Variants in KAT14 observed in about 807,000 individuals in gnomAD.
KAT14 encodes the protein lysine acetyltransferase 14.
KAT14 carries 66 observed loss-of-function variants against 78.4 expected under a neutral mutation model. The ratio of observed to expected loss-of-function variants is 0.84; its 90% confidence interval spans 0.69 to 1.03. The LOEUF is 1.03. KAT14 is among the 50% of genes least tolerant of loss of function. The pLI is 0.00. For missense variants in KAT14, 870 were observed against 972.5 expected, an observed-to-expected ratio of 0.89 and a Z score of 1.40; for synonymous variants, 344 against 359.4, an observed-to-expected ratio of 0.96 and a Z score of 0.48.
chr20:18,157,131 G>A (rs534305636), intron 4 of KAT14, among the ~76,000 whole-genome samples: 21 of 152,348 alleles, frequency 1.4e-4, no homozygotes, highest in African/African-American at 4.6e-4. Flanking sequence ...TAGTCCCACT[G>A]TCAATGTACA....
At chr20:18,183,593 C>T in intron 9 of KAT14, 1 of 939,398 alleles carries the variant, frequency 1.1e-6, no homozygotes, top group Non-Finnish European at 1.3e-6. Flanking sequence ...TAATGTCTAT[C>T]AAAGATACAC....
At chr20:18,174,239 C>T (rs1394079139) in intron 7 of KAT14, among the ~76,000 whole-genome samples, 2 of 152,198 alleles carry the variant, frequency 1.3e-5, no homozygotes, top group African/African-American at 4.8e-5. Flanking sequence ...TGGGTTGTTT[C>T]TACCTTTTGA....
At chr20:18,145,168 A>G in intron 2 of KAT14, 65 bp from the exon 3 acceptor site, 2 of 1,564,402 alleles carry the variant, frequency 1.3e-6, no homozygotes, top group Non-Finnish European at 1.7e-6. Flanking sequence ...TGATAAACGG[A>G]TTAAACCTTT....
chr20:18,179,764 T>C (rs1372348788), intron 7 of KAT14, among the ~76,000 whole-genome samples: 3 of 152,242 alleles, frequency 2.0e-5, no homozygotes, highest in Non-Finnish European at 2.9e-5. Context: ...CCTCAAAAAA[T>C]AGGTTTTTCT....
intron 7 of KAT14, among the ~76,000 whole-genome samples, chr20:18,172,437 C>T (rs1211857266): frequency 6.6e-6 from 1 of 151,602 alleles, no homozygotes; most frequent in Admixed American, 6.6e-5. Flanking sequence ...CTCGCTGTCA[C>T]CCAGGCTGGA....
At position 18,142,444 on chromosome 20, in the gene KAT14, T is replaced by C. The variant is rs762568368; in HGVS notation, c.-217T>C. The C allele has an allele frequency of 0.018, 26,478 of 1,462,390 alleles. 330 individuals are homozygous for C. The highest frequency in any genetic ancestry group is 0.055 in the Admixed American group (2,150 of 39,146). 90.6% of individuals were successfully genotyped at this position (1,462,390 alleles called of 1,614,324 possible). A position where few individuals can be genotyped will look rare whatever the true frequency, so the allele number is the denominator to read the frequency against. On this transcript the variant is annotated 5_prime_UTR_variant, in exon 2 of 11. Coordinates refer to ENST00000688188, the MANE Select transcript of KAT14 (RefSeq NM_001392073.1). ...GTAGCTTAGTAGTATCTTCATCTTTTTTTTTGGTCACTGTCCTTTTAAACT... is the reference window on the plus strand; with the variant it reads ...GTAGCTTAGTAGTATCTTCATCTTTCTTTTTGGTCACTGTCCTTTTAAACT...
intron 7 of KAT14, among the ~76,000 whole-genome samples, chr20:18,166,135 T>C (rs2038631493): frequency 1.3e-5 from 2 of 152,210 alleles, no homozygotes; most frequent in African/African-American, 4.8e-5. Flanking sequence ...AAGGCCATCT[T>C]TTCTTTCTGT....
In KAT14 at chr20:18,142,491, G is replaced by T. The variant is rs1325961495; in HGVS notation, c.-170G>T. 1 of 1,456,164 alleles carries T rather than the reference G, an allele frequency of 6.9e-7. No homozygotes were observed. The highest frequency in any genetic ancestry group is 9.0e-7 in the Non-Finnish European group (1 of 1,108,828). The allele number at this position is 1,456,164 out of a possible 1,614,324, so 90.2% of individuals were successfully genotyped here. A position where few individuals can be genotyped will look rare whatever the true frequency, so the allele number is the denominator to read the frequency against. ...AACTTGATCAAATAAAGGACAGTGG[G>T]TCATATAAGTTACTGCTTTCAGGGT... is the stretch of plus-strand genomic sequence containing the variant. On this transcript the variant is annotated 5_prime_UTR_variant, in exon 2 of 11. Coordinates refer to ENST00000688188, the MANE Select transcript of KAT14 (RefSeq NM_001392073.1).
chr20:18,184,008 C>CA (rs2039359716), intron 9 of KAT14, among the ~76,000 whole-genome samples: 1 of 152,210 alleles, frequency 6.6e-6, no homozygotes, highest in Admixed American at 6.5e-5. Context: ...GGCAGAGCTG[C>CA]ACTCATTCTT....
Position 18,187,636 on chromosome 20 carries a change from T to G in KAT14, c.*177T>G. 9.7e-7 allele frequency: 1 copy of G among 1,028,702 alleles called. No homozygotes were observed. Among genetic ancestry groups the G allele is most frequent in the Non-Finnish European group, 1.3e-6 (1 of 744,122 alleles). The allele number at this position is 1,028,702 out of a possible 1,614,324, so 63.7% of individuals were successfully genotyped here. ...GTGAAATGAGCAGTGAGCAGCCCTT[T>G]AGCAAAATCGCCCTCCAGTCCTTCC... On this transcript the variant is annotated 3_prime_UTR_variant, in exon 11 of 11. Transcript: ENST00000688188.
chr20:18,165,522 C>T (rs2038607794), intron 7 of KAT14, among the ~76,000 whole-genome samples: 1 of 152,158 alleles, frequency 6.6e-6, no homozygotes, highest in Non-Finnish European at 1.5e-5. Flanking sequence ...AGAGCATAGC[C>T]CTGCCCACAC....
chr20:18,157,504 A>G (rs1407532878), intron 4 of KAT14, among the ~76,000 whole-genome samples: 4 of 152,212 alleles, frequency 2.6e-5, no homozygotes, highest in Non-Finnish European at 1.5e-5. Flanking sequence ...TGTACAGTTC[A>G]GTGGTGTTAA....
chr20:18,183,930 A>G (rs2039356318), intron 9 of KAT14, among the ~76,000 whole-genome samples: 1 of 152,228 alleles, frequency 6.6e-6, no homozygotes, highest in Non-Finnish European at 1.5e-5. Context: ...CAGATGTTAG[A>G]TACGATTTCA....
intron 7 of KAT14, among the ~76,000 whole-genome samples, chr20:18,178,089 C>T (rs1402613500): frequency 7.4e-6 from 1 of 134,484 alleles, no homozygotes; most frequent in Non-Finnish European, 1.6e-5. Flanking sequence ...GCCTGGATAA[C>T]AGAGCAAGAC....
intron 2 of KAT14, among the ~76,000 whole-genome samples, chr20:18,143,783 A>G (rs1161241565): frequency 2.0e-5 from 3 of 151,772 alleles, no homozygotes; most frequent in Non-Finnish European, 2.9e-5. Flanking sequence ...ATGCGCCACC[A>G]TGCCCGGCCA....
Position 18,161,866 on chromosome 20 carries a change from T to C in KAT14, c.726T>C (p.Leu242=). 6.2e-7 allele frequency: 1 copy of C among 1,614,154 alleles called. No homozygotes were observed. The highest frequency in any genetic ancestry group is 8.5e-7 in the Non-Finnish European group (1 of 1,180,044). The change falls in exon 6 of 11, where the codon CTT becomes CTC. Residue 242 remains leucine, a synonymous_variant. Coordinates refer to ENST00000688188, the MANE Select transcript of KAT14 (RefSeq NM_001392073.1). ...ATCCCATCATTACTGTTGAGGGACT[T>C]AGAAAACGAGCAAGTCGGAATCCTG... is the stretch of plus-strand genomic sequence containing the variant. ...TLDPIITVEG[L]RKRASRNPVE...
In KAT14 at chr20:18,142,528, G is replaced by C. The variant is rs2037625750; in HGVS notation, c.-133G>C. 6.7e-7 allele frequency: 1 copy of C among 1,486,046 alleles called. No homozygotes were observed. Among genetic ancestry groups the C allele is most frequent in the African/African-American group, 1.4e-5 (1 of 71,342 alleles). The allele number at this position is 1,486,046 out of a possible 1,614,324, so 92.1% of individuals were successfully genotyped here. On this transcript the variant is annotated 5_prime_UTR_variant, in exon 2 of 11. Transcript: ENST00000688188. ...ACTGCTTTCAGGGTCCCTTATATCTGAATAAAGGAGTGTGGGCAGACACTT... is the reference window on the plus strand; with the variant it reads ...ACTGCTTTCAGGGTCCCTTATATCTCAATAAAGGAGTGTGGGCAGACACTT...
intron 9 of KAT14, among the ~76,000 whole-genome samples, chr20:18,183,791 A>G (rs2039352186): frequency 6.6e-6 from 1 of 152,244 alleles, no homozygotes. Context: ...ATCAGCCTTA[A>G]CAAAATTGCC....
chr20:18,187,689 A>C lies in KAT14; in HGVS notation c.*230A>C. 1 of 541,676 alleles carries C rather than the reference A, an allele frequency of 1.8e-6. No individual in the cohort carries two copies. The highest frequency in any genetic ancestry group is 3.1e-6 in the Non-Finnish European group (1 of 319,068). The allele number at this position is 541,676 out of a possible 1,614,324, so 33.6% of individuals were successfully genotyped here. On this transcript the variant is annotated 3_prime_UTR_variant, in exon 11 of 11. Coordinates refer to ENST00000688188, the MANE Select transcript of KAT14 (RefSeq NM_001392073.1). ...GAGATGCCTTCAGCCAGCATCCCAG[A>C]CTCCACAGTTATTTATGAATGATGT...
Sources: gnomAD v4.1 joint callset for allele counts (sites outside exome capture counted in the v4.1 genomes callset) on GRCh38, gnomAD v4.1.1 for gene constraint, MANE v1.5 for transcripts, NCBI Gene and HGNC (gene_info 2026-07-23, HGNC 2026-07-21) for gene names.